Variants in LSAMP observed in about 807,000 individuals in gnomAD.
LSAMP encodes limbic system associated membrane protein.
In LSAMP, 7 loss-of-function variants were observed where a neutral mutation model predicts 38.6. The ratio of observed to expected loss-of-function variants is 0.18; its 90% CI spans 0.10 to 0.34. LSAMP has a LOEUF of 0.34. Ranked by LOEUF, LSAMP falls within the 10% of genes least tolerant of loss-of-function variation. The pLI is 1.00. For synonymous variants in LSAMP, 154 were observed against 166.8 expected, an observed-to-expected ratio of 0.92 and a Z score of 0.59; for missense variants, 313 against 420.0, an observed-to-expected ratio of 0.75 and a Z score of 2.23.
At chr3:116,373,232 T>G (rs531974393) in intron 1 of LSAMP, among the ~76,000 whole-genome samples, 1 of 151,364 alleles carries the variant, frequency 6.6e-6, no homozygotes, top group Non-Finnish European at 1.5e-5. Flanking sequence ...TATATATATA[T>G]GCACACACAC....
At chr3:116,427,116 T>C (rs866026181) in intron 1 of LSAMP, among the ~76,000 whole-genome samples, 24,550 of 138,948 alleles carry the variant, frequency 0.18, 1,839 homozygotes, top group African/African-American at 0.26. Context: ...TTTCTTTTTT[T>C]TTTTTTTTTT....
intron 1 of LSAMP, among the ~76,000 whole-genome samples, chr3:116,096,657 G>A (rs1317286075): frequency 6.6e-6 from 1 of 152,202 alleles, no homozygotes; most frequent in Non-Finnish European, 1.5e-5. Flanking sequence ...GATCCACTTA[G>A]TTTCATAAAG....
intron 3 of LSAMP, among the ~76,000 whole-genome samples, chr3:115,934,827 A>G (rs1001647132): frequency 6.6e-6 from 1 of 152,202 alleles, no homozygotes; most frequent in Non-Finnish European, 1.5e-5. Flanking sequence ...TCAGACTTGA[A>G]AAGTTCTTAG....
intron 1 of LSAMP, among the ~76,000 whole-genome samples, chr3:116,436,574 A>G (rs753835895): frequency 1.5e-4 from 23 of 152,216 alleles, no homozygotes; most frequent in Non-Finnish European, 2.4e-4. Context: ...CAAATGGCCA[A>G]CAAACATATG....
intron 1 of LSAMP, among the ~76,000 whole-genome samples, chr3:116,135,768 GT>G (rs1709234000): frequency 6.6e-6 from 1 of 152,154 alleles, no homozygotes; most frequent in South Asian, 2.1e-4. Context: ...GCAATAAACT[GT>G]GCTTGTCCGT....
chr3:116,010,046 A>G (rs1940280889), intron 3 of LSAMP, among the ~76,000 whole-genome samples: 1 of 152,048 alleles, frequency 6.6e-6, no homozygotes, highest in East Asian at 1.9e-4. Flanking sequence ...CCTCCCAAGT[A>G]GCTGGGACTA....
chr3:115,871,582 AGT>A (rs59830926), intron 3 of LSAMP, among the ~76,000 whole-genome samples: 10,591 of 144,214 alleles, frequency 0.073, 371 homozygotes, highest in Middle Eastern at 0.092. Flanking sequence ...ACCAACGTGT[AGT>A]GTGTGTGTGT....
At chr3:116,293,836 T>C (rs2047297444) in intron 1 of LSAMP, among the ~76,000 whole-genome samples, 2 of 152,140 alleles carry the variant, frequency 1.3e-5, no homozygotes, top group African/African-American at 4.8e-5. Flanking sequence ...GTTTTAGTTA[T>C]ATGCATGTAT....
intron 6 of LSAMP, among the ~76,000 whole-genome samples, chr3:115,838,313 T>G (rs900034311): frequency 1.3e-5 from 2 of 152,252 alleles, no homozygotes; most frequent in African/African-American, 4.8e-5. Flanking sequence ...TTATTTTAAA[T>G]CTAACTCAAC....
At chr3:115,826,137 C>G (rs1934400866) in intron 6 of LSAMP, among the ~76,000 whole-genome samples, 1 of 127,988 alleles carries the variant, frequency 7.8e-6, no homozygotes, top group Non-Finnish European at 1.6e-5. Context: ...TTATTTGAGA[C>G]AGAGTCTCGA....
intron 1 of LSAMP, among the ~76,000 whole-genome samples, chr3:116,150,106 T>G (rs1198913324): frequency 9.2e-5 from 14 of 152,038 alleles, no homozygotes; most frequent in Admixed American, 9.2e-4. Context: ...AGCCATTTAG[T>G]GTGTTTTAAT....
chr3:115,896,885 G>A (rs538654399), intron 3 of LSAMP, among the ~76,000 whole-genome samples: 9 of 152,146 alleles, frequency 5.9e-5, no homozygotes, highest in South Asian at 2.1e-4. Flanking sequence ...CTGAACATGG[G>A]TTCCTAAGTT....
chr3:116,109,260 C>G (rs551025040), intron 1 of LSAMP, among the ~76,000 whole-genome samples: 2 of 152,132 alleles, frequency 1.3e-5, no homozygotes, highest in African/African-American at 4.8e-5. Flanking sequence ...AGTCACCGAA[C>G]GAAACTGTAA....
At chr3:116,332,266 A>G (rs188784924) in intron 1 of LSAMP, among the ~76,000 whole-genome samples, 2 of 152,322 alleles carry the variant, frequency 1.3e-5, no homozygotes, top group African/African-American at 4.8e-5. Context: ...TAATTTTAAT[A>G]ACTAATGCAT....
chr3:115,971,487 A>T (rs1354274486), intron 3 of LSAMP, among the ~76,000 whole-genome samples: 1 of 152,148 alleles, frequency 6.6e-6, no homozygotes, highest in African/African-American at 2.4e-5. Context: ...GAGTCCTCTT[A>T]TTTCTAGTGC....
intron 1 of LSAMP, among the ~76,000 whole-genome samples, chr3:116,236,784 A>C (rs1475768318): frequency 6.6e-6 from 1 of 152,030 alleles, no homozygotes; most frequent in African/African-American, 2.4e-5. Flanking sequence ...ATAAACCACA[A>C]TGTATGAATT....
chr3:116,379,781 A>G (rs976874630), intron 1 of LSAMP, among the ~76,000 whole-genome samples: 5 of 152,048 alleles, frequency 3.3e-5, no homozygotes, highest in Non-Finnish European at 7.4e-5. Flanking sequence ...ATTAGAAGAA[A>G]TATTTGAACA....
intron 1 of LSAMP, among the ~76,000 whole-genome samples, chr3:116,154,800 T>C (rs1051895553): frequency 2.0e-5 from 3 of 152,124 alleles, no homozygotes; most frequent in African/African-American, 7.2e-5. Flanking sequence ...AGACAATTCT[T>C]TTGGGGACTG....
chr3:116,420,585 G>A (rs922638485), intron 1 of LSAMP, among the ~76,000 whole-genome samples: 8 of 152,040 alleles, frequency 5.3e-5, no homozygotes, highest in African/African-American at 1.7e-4. Context: ...AAATAAATTG[G>A]GCCGGGCGCG....
Sources: gnomAD v4.1 joint callset for allele counts (sites outside exome capture counted in the v4.1 genomes callset) on GRCh38, gnomAD v4.1.1 for gene constraint, MANE v1.5 for transcripts, NCBI Gene and HGNC (gene_info 2026-07-23, HGNC 2026-07-21) for gene names.